Variants in GRM1 observed in about 807,000 individuals in gnomAD.
The protein encoded by GRM1 is metabotropic glutamate receptor 1.
Under a neutral mutation model 90.9 loss-of-function variants are expected in GRM1, and 33 were observed. The ratio of observed to expected loss-of-function variants is 0.36; its 90% CI spans 0.28 to 0.49. GRM1 has a LOEUF of 0.49. Among genes scored for constraint, GRM1 ranks in the 20% least tolerant of loss-of-function variants. The pLI, the probability that GRM1 is intolerant of heterozygous loss-of-function variation, is 0.99. For synonymous variants in GRM1, 700 were observed against 613.2 expected (o/e 1.14, Z -2.09); for missense variants, 1,190 against 1,534.3 (o/e 0.78, Z 3.75).
intron 7 of GRM1, among the ~76,000 whole-genome samples, chr6:146,409,082 A>T (rs1360270270): frequency 6.6e-6 from 1 of 152,128 alleles, no homozygotes; most frequent in Non-Finnish European, 1.5e-5. Context: ...TGGGGTATTT[A>T]ATGTAAAAAT....
At chr6:146,404,454 A>T (rs908232039) in intron 7 of GRM1, among the ~76,000 whole-genome samples, 2 of 152,156 alleles carry the variant, frequency 1.3e-5, no homozygotes, top group African/African-American at 4.8e-5. Context: ...TAACATTCTC[A>T]GTGCCCAGGG....
At chr6:146,222,705 G>GC (rs1554282922) in intron 2 of GRM1, among the ~76,000 whole-genome samples, 7 of 152,024 alleles carry the variant, frequency 4.6e-5, no homozygotes, top group Non-Finnish European at 1.0e-4. Context: ...ATTGAGAAAC[G>GC]CCCCCATAGA....
intron 2 of GRM1, among the ~76,000 whole-genome samples, chr6:146,264,742 G>A (rs1206830433): frequency 1.3e-5 from 2 of 151,958 alleles, no homozygotes; most frequent in African/African-American, 4.8e-5. Context: ...TTATGTCCAT[G>A]TGTGCCCATT....
chr6:146,160,633 G>A (rs1777689474), intron 2 of GRM1, among the ~76,000 whole-genome samples: 1 of 152,110 alleles, frequency 6.6e-6, no homozygotes, highest in Non-Finnish European at 1.5e-5. Context: ...CTGGAAGCTA[G>A]GTAGTACTGG....
chr6:146,035,826 A>G (rs1218273760), intron 1 of GRM1, among the ~76,000 whole-genome samples: 1 of 151,952 alleles, frequency 6.6e-6, no homozygotes. Flanking sequence ...TCATTTTTAA[A>G]GTCATTAATC....
intron 1 of GRM1, among the ~76,000 whole-genome samples, chr6:146,107,405 C>T (rs566594341): frequency 4.6e-5 from 7 of 151,222 alleles, no homozygotes; most frequent in East Asian, 3.9e-4. Context: ...TTACTTACAA[C>T]GCTTTCAGAC....
chr6:146,091,926 T>G (rs903400418), intron 1 of GRM1, among the ~76,000 whole-genome samples: 1 of 152,078 alleles, frequency 6.6e-6, no homozygotes, highest in Non-Finnish European at 1.5e-5. Context: ...CATGGTGGCA[T>G]CTTTGGACTG....
In GRM1 at chr6:146,417,715, T is replaced by A. The variant is rs3804298; in HGVS notation, c.2661-16157T>A. On this transcript the variant is annotated intron_variant, in intron 7 of 7. Transcript: ENST00000282753. ...AAAATTTAGGTTTTTGTGTTATAAG[T>A]CCTTTATAATTATCATTACATCTTC... is the stretch of plus-strand genomic sequence containing the variant. Among the ~76,000 whole-genome samples, 250 of 152,264 alleles carry A rather than the reference T, an allele frequency of 1.6e-3. 5 individuals are homozygous for A. The East Asian group carries it at 0.035, about 21-fold the overall frequency.
chr6:146,253,353 GA>G (rs2114769681), intron 2 of GRM1, among the ~76,000 whole-genome samples: 1 of 152,222 alleles, frequency 6.6e-6, no homozygotes, highest in East Asian at 1.9e-4. Context: ...ATAAATGATT[GA>G]TTGAATGATT....
intron 3 of GRM1, among the ~76,000 whole-genome samples, chr6:146,347,647 G>C (rs926964134): frequency 6.6e-6 from 1 of 151,932 alleles, no homozygotes; most frequent in Admixed American, 6.6e-5. Flanking sequence ...AAAATTGCTG[G>C]GATAAATTAA....
At chr6:146,216,814 A>T (rs1033400860) in intron 2 of GRM1, among the ~76,000 whole-genome samples, 2 of 152,190 alleles carry the variant, frequency 1.3e-5, no homozygotes, top group Admixed American at 1.3e-4. Context: ...TCTTTTAAGA[A>T]AGCTTTTCCA....
At chr6:146,205,281 TC>T (rs1779456930) in intron 2 of GRM1, among the ~76,000 whole-genome samples, 1 of 152,232 alleles carries the variant, frequency 6.6e-6, no homozygotes, top group Non-Finnish European at 1.5e-5. Flanking sequence ...TGTTTAATAT[TC>T]TTTCATAGCA....
chr6:146,147,836 A>G (rs1325289537), intron 1 of GRM1, among the ~76,000 whole-genome samples: 1 of 152,132 alleles, frequency 6.6e-6, no homozygotes, highest in Non-Finnish European at 1.5e-5. Flanking sequence ...TAGATCAATA[A>G]ATCTACATCT....
chr6:146,401,934 C>G (rs190053535), intron 7 of GRM1, among the ~76,000 whole-genome samples: 52 of 152,274 alleles, frequency 3.4e-4, no homozygotes, highest in African/African-American at 1.2e-3. Flanking sequence ...GAGTATTTCT[C>G]TCATGTCCAG....
chr6:146,358,771 A>G (rs530185211), intron 5 of GRM1, among the ~76,000 whole-genome samples: 1 of 152,196 alleles, frequency 6.6e-6, no homozygotes, highest in Non-Finnish European at 1.5e-5. Context: ...TGCAACCTGT[A>G]CCAGCTTTTG....
rs115723815 is a variant in GRM1, at chr6:146,081,470, C to T, written c.700+51253C>T. ...ACATCTGAAAAGAGAAAAAGAGGAA[C>T]GGCTCACAGAAGCTTGGGGACATGT... is the stretch of plus-strand genomic sequence containing the variant. On this transcript the variant is annotated intron_variant, in intron 1 of 7. Coordinates refer to ENST00000282753, the MANE Select transcript of GRM1 (RefSeq NM_001278064.2). 5.2e-3 allele frequency among the ~76,000 whole-genome samples: 796 copies of T among 152,194 alleles called. 5 individuals are homozygous for T. The highest frequency in any genetic ancestry group is 0.018 in the African/African-American group (760 of 41,516).
At chr6:146,118,145 T>C (rs984833187) in intron 1 of GRM1, among the ~76,000 whole-genome samples, 1 of 143,516 alleles carries the variant, frequency 7.0e-6, no homozygotes, top group African/African-American at 2.5e-5. Context: ...CTTTTCTTTT[T>C]TTTTTTTTTT....
chr6:146,149,084 G>T (rs1244891970), intron 1 of GRM1, among the ~76,000 whole-genome samples: 2 of 152,180 alleles, frequency 1.3e-5, no homozygotes, highest in Non-Finnish European at 2.9e-5. Flanking sequence ...ATAGCTAACT[G>T]AAGTTAGAGA....
intron 1 of GRM1, among the ~76,000 whole-genome samples, chr6:146,152,677 C>T (rs901721869): frequency 6.6e-6 from 1 of 152,072 alleles, no homozygotes; most frequent in East Asian, 1.9e-4. Context: ...GTGTTTATCC[C>T]AGTGCCAGAC....
Sources: allele counts gnomAD v4.1 joint callset (sites outside exome capture counted in the v4.1 genomes callset), GRCh38; gene constraint gnomAD v4.1.1; transcripts MANE v1.5; gene names NCBI Gene and HGNC (gene_info 2026-07-23, HGNC 2026-07-21).